Variants in MSH4 observed in about 807,000 individuals in gnomAD.
MSH4 encodes mutS protein homolog 4.
MSH4 carries 106 observed loss-of-function variants against 113.7 expected under a neutral mutation model. The ratio of observed to expected loss-of-function variants is 0.93; its 90% confidence interval spans 0.80 to 1.10. The LOEUF is 1.10. Among genes scored for constraint, MSH4 ranks in the 50% least tolerant of loss-of-function variants. The pLI, the probability that MSH4 is intolerant of heterozygous loss-of-function variation, is 0.00. For missense variants in MSH4, 1,061 were observed against 1,093.7 expected, an observed-to-expected ratio of 0.97 and a Z score of 0.42; for synonymous variants, 368 against 380.2, an observed-to-expected ratio of 0.97 and a Z score of 0.37.
intron 9 of MSH4, among the ~76,000 whole-genome samples, chr1:75,873,363 A>G (rs936084314): frequency 1.3e-5 from 2 of 152,228 alleles, no homozygotes; most frequent in Admixed American, 6.5e-5. Flanking sequence ...TGACAAGAGT[A>G]TCCTTAGATC....
intron 8 of MSH4, among the ~76,000 whole-genome samples, chr1:75,851,140 A>G (rs1442205437): frequency 6.6e-6 from 1 of 152,024 alleles, no homozygotes; most frequent in Non-Finnish European, 1.5e-5. Context: ...CAATCAGAGA[A>G]TACCTTACTT....
chr1:75,821,158 A>C (rs965315340), intron 6 of MSH4, among the ~76,000 whole-genome samples: 1 of 149,904 alleles, frequency 6.7e-6, no homozygotes, highest in Admixed American at 6.7e-5. Flanking sequence ...GCTGGAAGTA[A>C]AGCACTCCTC....
At chr1:75,814,779 T>C (rs778070941) in intron 4 of MSH4, among the ~76,000 whole-genome samples, 1 of 152,182 alleles carries the variant, frequency 6.6e-6, no homozygotes, top group Admixed American at 6.5e-5. Flanking sequence ...TTTTTATTAT[T>C]GTATCTAACA....
chr1:75,888,597 A>G (rs1438585690), intron 15 of MSH4, among the ~76,000 whole-genome samples: 1 of 109,048 alleles, frequency 9.2e-6, no homozygotes, highest in East Asian at 2.9e-4. Context: ...TTTTCTTCAG[A>G]TTTTCATATT....
chr1:75,846,398 C>T (rs921116433), intron 7 of MSH4, among the ~76,000 whole-genome samples: 1 of 152,206 alleles, frequency 6.6e-6, no homozygotes, highest in Non-Finnish European at 1.5e-5. Context: ...TCCCTTCTCT[C>T]ATTTTACTGT....
At chr1:75,818,533 A>G (rs1650337227) in intron 6 of MSH4, among the ~76,000 whole-genome samples, 1 of 152,234 alleles carries the variant, frequency 6.6e-6, no homozygotes, top group Non-Finnish European at 1.5e-5. Flanking sequence ...ACAAGTTAAT[A>G]CTTTTAAAAT....
At chr1:75,864,039 T>C (rs1280478329) in intron 8 of MSH4, among the ~76,000 whole-genome samples, 1 of 152,230 alleles carries the variant, frequency 6.6e-6, no homozygotes, top group Non-Finnish European at 1.5e-5. Context: ...AAGAAACGAC[T>C]TTTAGTAATC....
In MSH4 at chr1:75,889,330, C is replaced by A; in HGVS notation, c.2187C>A (p.Ile729=). 3.3e-6 allele frequency: 5 copies of A among 1,518,930 alleles called. No homozygotes were observed. Among genetic ancestry groups the A allele is most frequent in the Admixed American group, 1.9e-5 (1 of 52,026 alleles). The allele number at this position is 1,518,930 out of a possible 1,614,324, so 94.1% of individuals were successfully genotyped here. ...IFTRISTDDD[I]ETNSSTFMKE... ...CAAGAATTAGTACTGATGATGATAT[C>A]GAAACAAATTCATCAACATTTATGA... The change falls in exon 16 of 20, where the codon ATC becomes ATA. Residue 729 remains isoleucine, a synonymous_variant. Transcript: ENST00000263187.
At chr1:75,840,260 G>A (rs1294937866) in intron 7 of MSH4, among the ~76,000 whole-genome samples, 1 of 139,556 alleles carries the variant, frequency 7.2e-6, no homozygotes, top group Non-Finnish European at 1.5e-5. Context: ...CAAAGACTTG[G>A]AACCAACCCA....
At chr1:75,831,965 A>G (rs1358086644) in intron 7 of MSH4, among the ~76,000 whole-genome samples, 5 of 152,224 alleles carry the variant, frequency 3.3e-5, no homozygotes, top group African/African-American at 1.2e-4. Flanking sequence ...TAGAGACACA[A>G]AAAACCCTTC....
intron 8 of MSH4, among the ~76,000 whole-genome samples, chr1:75,854,007 G>GTATATATATATATA (rs150197709): frequency 2.4e-4 from 12 of 50,450 alleles, no homozygotes; most frequent in African/African-American, 6.3e-4. Flanking sequence ...GCATAAGTGT[G>GTATATATATATATA]TGTGTGTATA....
At chr1:75,889,105 A>G (rs1308579271) in intron 15 of MSH4, 146 bp from the exon 16 acceptor site, 1 of 447,418 alleles carries the variant, frequency 2.2e-6, no homozygotes, top group African/African-American at 2.1e-5. Context: ...ATAATAAGGG[A>G]TAGAACTGGG....
intron 16 of MSH4, among the ~76,000 whole-genome samples, chr1:75,889,927 G>T (rs1401892118): frequency 6.6e-6 from 1 of 151,862 alleles, no homozygotes; most frequent in Non-Finnish European, 1.5e-5. Flanking sequence ...GTAGATAGGT[G>T]GTGACTAAAG....
At chr1:75,876,128 A>G (rs1651812389) in intron 9 of MSH4, among the ~76,000 whole-genome samples, 1 of 152,154 alleles carries the variant, frequency 6.6e-6, no homozygotes, top group Non-Finnish European at 1.5e-5. Flanking sequence ...CAAAATCTGA[A>G]AAAAATCCAG....
chr1:75,899,360 G>A (rs1233021555), intron 18 of MSH4, among the ~76,000 whole-genome samples: 1 of 152,074 alleles, frequency 6.6e-6, no homozygotes, highest in African/African-American at 2.4e-5. Flanking sequence ...TTTTGTTCCT[G>A]ATATCTCAGA....
At chr1:75,883,050 G>A (rs1651970557) in intron 14 of MSH4, among the ~76,000 whole-genome samples, 1 of 151,724 alleles carries the variant, frequency 6.6e-6, no homozygotes, top group South Asian at 2.1e-4. Context: ...TGTCAGCCAG[G>A]CTGGAGTGCA....
intron 7 of MSH4, among the ~76,000 whole-genome samples, chr1:75,828,979 G>A (rs1311803225): frequency 2.0e-5 from 3 of 152,094 alleles, no homozygotes; most frequent in Non-Finnish European, 4.4e-5. Context: ...CATGGAGCAG[G>A]GCAGGACATT....
At chr1:75,874,519 G>A (rs1199919442) in intron 9 of MSH4, among the ~76,000 whole-genome samples, 3 of 151,952 alleles carry the variant, frequency 2.0e-5, no homozygotes, top group South Asian at 2.1e-4. Context: ...CAGGGGTCTC[G>A]CTATGTTACG....
At chr1:75,871,332 G>A (rs1433840555) in intron 9 of MSH4, among the ~76,000 whole-genome samples, 1 of 152,152 alleles carries the variant, frequency 6.6e-6, no homozygotes, top group Non-Finnish European at 1.5e-5. Context: ...AATTTATGAT[G>A]AGATTTGGGT....
Sources: allele counts gnomAD v4.1 joint callset (sites outside exome capture counted in the v4.1 genomes callset), GRCh38; gene constraint gnomAD v4.1.1; transcripts MANE v1.5; gene names NCBI Gene and HGNC (gene_info 2026-07-23, HGNC 2026-07-21).